The following SLC35F4 variants were observed in gnomAD, a reference collection of about 807,000 sequenced individuals.
The protein encoded by SLC35F4 is solute carrier family 35 member F4.
SLC35F4 carries 24 observed loss-of-function variants against 44.2 expected under a neutral mutation model. The observed-to-expected ratio is 0.54, with a 90% CI of 0.39 to 0.76. The LOEUF (loss-of-function observed/expected upper bound fraction) is 0.76, where lower values mean the gene tolerates loss of function less well. SLC35F4 is among the 30% of genes least tolerant of loss of function. The pLI is 0.00. For missense variants in SLC35F4, 562 were observed against 586.1 expected, an observed-to-expected ratio of 0.96 and a Z score of 0.42; for synonymous variants, 238 against 223.6, an observed-to-expected ratio of 1.06 and a Z score of -0.57.
chr14:57,903,756 T>C (rs1889055886), intron 1 of SLC35F4, among the ~76,000 whole-genome samples: 1 of 152,146 alleles, frequency 6.6e-6, no homozygotes, highest in African/African-American at 2.4e-5. Context: ...CAAGAAAAAA[T>C]TATGTAAAAA....
chr14:57,751,912 TTC>T (rs3062974), intron 1 of SLC35F4, among the ~76,000 whole-genome samples: 34,812 of 148,904 alleles, frequency 0.23, 3,950 homozygotes, highest in South Asian at 0.28. Context: ...TAAAAAACAT[TTC>T]TCTCTCTCTC....
chr14:57,688,411 T>C (rs935714118), intron 1 of SLC35F4, among the ~76,000 whole-genome samples: 1 of 152,172 alleles, frequency 6.6e-6, no homozygotes, highest in Non-Finnish European at 1.5e-5. Flanking sequence ...GATGTTATCT[T>C]TAACTATGGC....
At chr14:57,696,503 G>C (rs2075387247) in intron 1 of SLC35F4, among the ~76,000 whole-genome samples, 2 of 152,228 alleles carry the variant, frequency 1.3e-5, no homozygotes, top group African/African-American at 4.8e-5. Flanking sequence ...GTGGAAGACA[G>C]TGTGGTAATT....
At chr14:57,649,704 C>G (rs1998461) in intron 1 of SLC35F4, among the ~76,000 whole-genome samples, 6 of 152,232 alleles carry the variant, frequency 3.9e-5, no homozygotes, top group Admixed American at 2.6e-4. Context: ...CACTGTATTT[C>G]TAGTGGCTGG....
chr14:57,925,516 AG>A (rs1889545896), intron 1 of SLC35F4, among the ~76,000 whole-genome samples: 3 of 22,854 alleles, frequency 1.3e-4, no homozygotes, highest in African/African-American at 1.8e-4. Context: ...GGAGGGAGGG[AG>A]GGAGGGAGGG....
intron 1 of SLC35F4, among the ~76,000 whole-genome samples, chr14:57,755,339 C>T (rs1033750577): frequency 7.2e-5 from 11 of 152,204 alleles, no homozygotes; most frequent in African/African-American, 2.6e-4. Context: ...GACAAATTCC[C>T]ATGAGCCCCA....
At chr14:57,805,441 T>C (rs1011168769) in intron 1 of SLC35F4, among the ~76,000 whole-genome samples, 4 of 152,136 alleles carry the variant, frequency 2.6e-5, no homozygotes, top group Admixed American at 6.5e-5. Flanking sequence ...TATGCAGCCA[T>C]AGAAAGAAGA....
chr14:57,611,537 CA>C (rs2071499986), intron 1 of SLC35F4, among the ~76,000 whole-genome samples: 1 of 146,108 alleles, frequency 6.8e-6, no homozygotes. Context: ...GTACAGTTGT[CA>C]AAGGCAAAAG....
At chr14:57,769,423 C>G (rs901878891) in intron 1 of SLC35F4, among the ~76,000 whole-genome samples, 4 of 152,086 alleles carry the variant, frequency 2.6e-5, no homozygotes, top group African/African-American at 9.7e-5. Flanking sequence ...AAACATTCTT[C>G]CAAAGAAATA....
At chr14:57,899,573 A>ATTTGTCCCCTCCCATGTTCCATTTTTG (rs1888954675) in intron 1 of SLC35F4, among the ~76,000 whole-genome samples, 1 of 152,240 alleles carries the variant, frequency 6.6e-6, no homozygotes, top group Non-Finnish European at 1.5e-5. Flanking sequence ...GATACAGAAT[A>ATTTGTCCCCTCCCATGTTCCATTTTTG]TCCGTCTGAA....
At chr14:57,676,088 G>C (rs1467475224) in intron 1 of SLC35F4, among the ~76,000 whole-genome samples, 1 of 152,056 alleles carries the variant, frequency 6.6e-6, no homozygotes, top group Non-Finnish European at 1.5e-5. Flanking sequence ...CTACTATGCA[G>C]AATCTACAAG....
At position 57,858,104 on chromosome 14, in the gene SLC35F4, T is replaced by C. The variant is rs1386099116; in HGVS notation, c.103+7619A>G. ...GTGGGACTGTAAACTAGTTCAACCA[T>C]TGTGGGAGACAGTGTGGTGATTCCT... On this transcript the variant is annotated intron_variant, in intron 1 of 7. Transcript: ENST00000556826. 3.9e-5 allele frequency among the ~76,000 whole-genome samples: 6 copies of C among 152,096 alleles called. No individual in the cohort carries two copies. The South Asian group carries it at 8.3e-4, about 21-fold the overall frequency.
intron 1 of SLC35F4, among the ~76,000 whole-genome samples, chr14:57,942,491 T>G (rs1216837801): frequency 1.3e-5 from 2 of 152,190 alleles, no homozygotes; most frequent in Non-Finnish European, 2.9e-5. Flanking sequence ...GTTTTAAATA[T>G]TTTATAATAA....
In SLC35F4 at chr14:57,697,818, G is replaced by A. The variant is rs999453747; in HGVS notation, c.104-103694C>T. On this transcript the variant is annotated intron_variant, in intron 1 of 7. Transcript: ENST00000556826. Reference sequence around the variant, plus strand: ...ATTCTTTTCACTATACTCCTATACAGACATACATGTGTATGGGTGTATACA... The same window carrying A: ...ATTCTTTTCACTATACTCCTATACAAACATACATGTGTATGGGTGTATACA... 2.0e-5 allele frequency among the ~76,000 whole-genome samples: 3 copies of A among 152,038 alleles called. 1 individual carries two copies. In the South Asian group the frequency reaches 6.2e-4, roughly 32 times the overall value.
intron 2 of SLC35F4, among the ~76,000 whole-genome samples, chr14:57,592,760 CTGTT>C (rs2070270738): frequency 6.6e-6 from 1 of 152,190 alleles, no homozygotes; most frequent in Non-Finnish European, 1.5e-5. Context: ...CTCTCTTCCT[CTGTT>C]TACCCTTCCC....
intron 1 of SLC35F4, among the ~76,000 whole-genome samples, chr14:57,756,592 T>A (rs1412140064): frequency 6.6e-6 from 1 of 151,896 alleles, no homozygotes; most frequent in Non-Finnish European, 1.5e-5. Flanking sequence ...ATTGATTAGG[T>A]CAAGTTTGTT....
chr14:57,901,792 C>T (rs1889005496), intron 1 of SLC35F4, among the ~76,000 whole-genome samples: 1 of 152,288 alleles, frequency 6.6e-6, no homozygotes, highest in South Asian at 2.1e-4. Context: ...TCATTTTATT[C>T]TCATTATACC....
At chr14:57,765,699 T>C (rs527375178) in intron 1 of SLC35F4, among the ~76,000 whole-genome samples, 4 of 152,346 alleles carry the variant, frequency 2.6e-5, no homozygotes, top group Admixed American at 2.0e-4. Context: ...CGAGATATCA[T>C]TGCCAATCAT....
intron 1 of SLC35F4, among the ~76,000 whole-genome samples, chr14:57,701,884 C>G (rs1031218005): frequency 2.0e-5 from 3 of 152,106 alleles, no homozygotes; most frequent in Non-Finnish European, 4.4e-5. Flanking sequence ...CCTCAGCTGA[C>G]CACAAATAAC....
Sources: allele counts gnomAD v4.1 joint callset (sites outside exome capture counted in the v4.1 genomes callset), GRCh38; gene constraint gnomAD v4.1.1; transcripts MANE v1.5; gene names NCBI Gene and HGNC (gene_info 2026-07-23, HGNC 2026-07-21).